Variants in DMD observed in about 807,000 individuals in gnomAD.
DMD encodes the protein dystrophin.
A neutral mutation model predicts 330.1 loss-of-function variants in DMD; 63 were observed. The ratio of observed to expected loss-of-function variants is 0.19; its 90% CI spans 0.16 to 0.24. The LOEUF is 0.24. DMD is among the 10% of genes least tolerant of loss of function. The pLI is 1.00. For missense variants in DMD, 3,344 were observed against 2,684.1 expected (o/e 1.25, Z -5.43); for synonymous variants, 1,223 against 959.8 (o/e 1.27, Z -5.07).
intron 57 of DMD, among the ~76,000 whole-genome samples, chrX:31,493,302 AAC>A (rs1279169381): frequency 1.8e-5 from 2 of 112,361 alleles, no homozygotes; most frequent in African/African-American, 6.5e-5. Flanking sequence ...ATCAAATAGT[AAC>A]ACATGTACGT....
chrX:32,554,080 G>A (rs1230146430), intron 16 of DMD, among the ~76,000 whole-genome samples: 1 of 112,294 alleles, frequency 8.9e-6, no homozygotes, highest in East Asian at 2.8e-4. Flanking sequence ...GCAGTTCTTT[G>A]AAACTAATGA....
Position 33,009,322 on chromosome X carries a change from GTATA to G in DMD, c.93+10813_93+10816del, listed in dbSNP as rs1491273877. Among the ~76,000 whole-genome samples, 2 of 39,758 alleles carry G rather than the reference GTATA, an allele frequency of 5.0e-5. 1 individual carries two copies. The highest frequency in any genetic ancestry group is 2.2e-3 in the East Asian group (2 of 901). 34.5% of individuals were successfully genotyped at this position (39,758 alleles called of 115,157 possible). ...TGTATATACACATGTGTGTATATGT[GTATA>G]TGTGTATATACACGTGTATATACAC... On this transcript the variant is annotated intron_variant, in intron 2 of 78. Coordinates refer to ENST00000357033, the MANE Select transcript of DMD (RefSeq NM_004006.3).
chrX:32,683,105 TC>T (rs1194442990), intron 9 of DMD, among the ~76,000 whole-genome samples: 2 of 111,816 alleles, frequency 1.8e-5, no homozygotes, highest in African/African-American at 6.5e-5. Flanking sequence ...CTAACAGCAG[TC>T]TTTAACCTGC....
intron 44 of DMD, among the ~76,000 whole-genome samples, chrX:32,136,552 TAAACAAAACA>T (rs59128114): frequency 0.14 from 14,141 of 100,484 alleles, 1,784 homozygotes; most frequent in African/African-American, 0.39. Context: ...CAACAGAGAT[TAAACAAAACA>T]AAACAAAACA....
At chrX:32,265,283 A>T (rs1218774816) in intron 43 of DMD, among the ~76,000 whole-genome samples, 1 of 112,863 alleles carries the variant, frequency 8.9e-6, no homozygotes, top group African/African-American at 3.2e-5. Flanking sequence ...AGAGGGTGCA[A>T]GCCCCAAGAT....
chrX:31,392,637 G>C (rs763052509), intron 60 of DMD, among the ~76,000 whole-genome samples: 1 of 112,345 alleles, frequency 8.9e-6, no homozygotes, highest in Non-Finnish European at 1.9e-5. Context: ...ATGCACACTG[G>C]AGAGAAAGGA....
intron 29 of DMD, among the ~76,000 whole-genome samples, chrX:32,419,052 T>C (rs1190598761): frequency 9.3e-6 from 1 of 107,694 alleles, no homozygotes; most frequent in African/African-American, 3.4e-5. Context: ...ATCTTTGAGA[T>C]TGATTAGATA....
chrX:33,279,446 A>AG lies in DMD; in HGVS notation c.7+59812dup, dbSNP rs749794503. 7.7e-4 allele frequency among the ~76,000 whole-genome samples: 72 copies of AG among 93,857 alleles called. No individual in the cohort carries two copies. The South Asian group carries it at 0.014, about 19-fold the overall frequency. The allele number at this position is 93,857 out of a possible 115,157, so 81.5% of individuals were successfully genotyped here. On this transcript the variant is annotated intron_variant, in intron 1 of 17. Coordinates refer to the DMD transcript ENST00000288447. ...ATATTCCATGGTATGCATGTACCAC[A>AG]GGGTTTTTTTTTTTTTAAGCAATTA... is the stretch of plus-strand genomic sequence containing the variant.
intron 7 of DMD, among the ~76,000 whole-genome samples, chrX:32,807,075 C>T (rs759968589): frequency 4.4e-5 from 2 of 45,401 alleles, no homozygotes; most frequent in African/African-American, 1.8e-4. Context: ...TAGCAGAAGA[C>T]AAGAAATAAC....
At chrX:32,531,864 A>T (rs73453774) in intron 17 of DMD, among the ~76,000 whole-genome samples, 1,410 of 111,932 alleles carry the variant, frequency 0.013, 23 homozygotes, top group African/African-American at 0.043. Context: ...TGAGAATTTG[A>T]TTGAAGTCTC....
At chrX:31,279,371 C>G (rs1027058805) in intron 62 of DMD, among the ~76,000 whole-genome samples, 5 of 112,088 alleles carry the variant, frequency 4.5e-5, no homozygotes, top group African/African-American at 1.6e-4. Context: ...TTTGTGATAT[C>G]TTGCAACATG....
chrX:32,664,188 G>A (rs187527288), intron 9 of DMD, among the ~76,000 whole-genome samples: 2 of 109,014 alleles, frequency 1.8e-5, no homozygotes, highest in East Asian at 5.9e-4. Flanking sequence ...TAAGTAGTCA[G>A]AAGTGATCAG....
chrX:31,228,267 T>TAAAAAAAAAAAAAAA (rs1367757647), intron 63 of DMD, among the ~76,000 whole-genome samples: 1 of 39,601 alleles, frequency 2.5e-5, no homozygotes, highest in African/African-American at 1.9e-4. Flanking sequence ...AAAAAAAAAA[T>TAAAAAAAAAAAAAAA]AAAAAAATAA....
chrX:32,584,938 G>C (rs1218779529), intron 13 of DMD, among the ~76,000 whole-genome samples: 1 of 110,497 alleles, frequency 9.1e-6, no homozygotes, highest in Non-Finnish European at 1.9e-5. Context: ...CATAAAGTTT[G>C]CATTTTTTTT....
chrX:32,759,856 G>A lies in DMD; in HGVS notation c.649+49637C>T, dbSNP rs1187976515. Among the ~76,000 whole-genome samples, 3 of 45,689 alleles carry A rather than the reference G, an allele frequency of 6.6e-5. 1 individual carries two copies. The highest frequency in any genetic ancestry group is 9.7e-5 in the Non-Finnish European group (3 of 31,017). 39.7% of individuals were successfully genotyped at this position (45,689 alleles called of 115,157 possible). A position where few individuals can be genotyped will look rare whatever the true frequency, so the allele number is the denominator to read the frequency against. On this transcript the variant is annotated intron_variant, in intron 7 of 78. Coordinates refer to ENST00000357033, the MANE Select transcript of DMD (RefSeq NM_004006.3). ...GCAGGTTTTTCTTGGGGGGGGGGGG[G>A]GGGCGGGGGAAGACCCAGGCAGGCC...
At chrX:32,288,562 C>A (rs1026791457) in intron 42 of DMD, among the ~76,000 whole-genome samples, 7 of 111,880 alleles carry the variant, frequency 6.3e-5, no homozygotes, top group African/African-American at 2.3e-4. Flanking sequence ...TAATTCTCCA[C>A]ACAAGAGCCG....
chrX:31,209,812 C>G, intron 64 of DMD, 113 bp from the exon 65 acceptor site: 2 of 684,848 alleles, frequency 2.9e-6, no homozygotes, highest in Admixed American at 5.3e-5. Flanking sequence ...TAATAAACAC[C>G]AAACGTGAAC....
intron 7 of DMD, among the ~76,000 whole-genome samples, chrX:32,748,208 T>C (rs529725959): frequency 3.7e-5 from 4 of 109,057 alleles, no homozygotes; most frequent in African/African-American, 1.3e-4. Flanking sequence ...CCAGGTGTGG[T>C]TGCGGATGCC....
At chrX:32,883,823 C>CAAAAAAAA (rs56150142) in intron 2 of DMD, among the ~76,000 whole-genome samples, 31 of 30,329 alleles carry the variant, frequency 1.0e-3, no homozygotes, top group African/African-American at 1.7e-3. Flanking sequence ...GACTCTGTTT[C>CAAAAAAAA]AAAAAAAAAA....
Sources: gnomAD v4.1 joint callset for allele counts (sites outside exome capture counted in the v4.1 genomes callset) on GRCh38, gnomAD v4.1.1 for gene constraint, MANE v1.5 for transcripts, NCBI Gene and HGNC (gene_info 2026-07-23, HGNC 2026-07-21) for gene names.